Variants in LRP1B observed in about 807,000 individuals in gnomAD.
LRP1B encodes LDL receptor related protein 1B.
In LRP1B, 217 loss-of-function variants were observed where a neutral mutation model predicts 556.6. The observed-to-expected ratio is 0.39, with a 90% CI of 0.35 to 0.44. The LOEUF is 0.44. Ranked by LOEUF, LRP1B falls within the 20% of genes least tolerant of loss-of-function variation. The pLI, the probability that LRP1B is intolerant of heterozygous loss-of-function variation, is 1.00. For synonymous variants in LRP1B, 2,047 were observed against 1,865.8 expected (o/e 1.10, Z -2.50); for missense variants, 5,053 against 5,620.8 (o/e 0.90, Z 3.23).
intron 1 of LRP1B, among the ~76,000 whole-genome samples, chr2:141,958,251 A>T (rs1400467639): frequency 2.0e-5 from 3 of 152,062 alleles, no homozygotes; most frequent in African/African-American, 7.2e-5. Flanking sequence ...GTCCTGGTGC[A>T]TTAGAAGAGG....
At chr2:142,063,098 A>G (rs1165389133) in intron 1 of LRP1B, among the ~76,000 whole-genome samples, 1 of 150,604 alleles carries the variant, frequency 6.6e-6, no homozygotes, top group Non-Finnish European at 1.5e-5. Flanking sequence ...TAACAGTACC[A>G]GATATTCCTC....
At chr2:140,705,401 G>A (rs1686793770) in intron 37 of LRP1B, among the ~76,000 whole-genome samples, 1 of 151,544 alleles carries the variant, frequency 6.6e-6, no homozygotes, top group Non-Finnish European at 1.5e-5. Flanking sequence ...GCATGTGCCT[G>A]TAGTCCCAGC....
intron 2 of LRP1B, among the ~76,000 whole-genome samples, chr2:141,675,651 T>C (rs887907669): frequency 6.9e-6 from 1 of 145,346 alleles, no homozygotes; most frequent in African/African-American, 2.5e-5. Flanking sequence ...ATTCAAATCC[T>C]AGCTTCTAAT....
chr2:140,580,098 ATT>A (rs1681701990), intron 43 of LRP1B, among the ~76,000 whole-genome samples: 1 of 152,124 alleles, frequency 6.6e-6, no homozygotes, highest in South Asian at 2.1e-4. Flanking sequence ...TAATGGTCTC[ATT>A]GTTACTGTGG....
chr2:141,127,935 AC>A (rs1396990633), intron 7 of LRP1B, among the ~76,000 whole-genome samples: 1 of 152,212 alleles, frequency 6.6e-6, no homozygotes, highest in African/African-American at 2.4e-5. Flanking sequence ...ACTGTGAGCT[AC>A]CAGATACAAT....
chr2:140,784,411 C>CAT (rs1553533154), intron 32 of LRP1B, among the ~76,000 whole-genome samples: 1 of 149,986 alleles, frequency 6.7e-6, no homozygotes, highest in Non-Finnish European at 1.5e-5. Context: ...CACACACACA[C>CAT]ACACACACAC....
intron 1 of LRP1B, among the ~76,000 whole-genome samples, chr2:142,059,023 C>A (rs2104888005): frequency 6.6e-6 from 1 of 152,190 alleles, no homozygotes; most frequent in Admixed American, 6.6e-5. Context: ...GAATTACCAG[C>A]TATTTATTCT....
chr2:140,437,074 C>T (rs913709238), intron 66 of LRP1B, among the ~76,000 whole-genome samples: 5 of 152,040 alleles, frequency 3.3e-5, no homozygotes, highest in Admixed American at 6.6e-5. Context: ...ATATCAACAG[C>T]AACGTAAGAT....
chr2:141,883,656 C>T (rs1273363751), intron 1 of LRP1B, among the ~76,000 whole-genome samples: 1 of 151,998 alleles, frequency 6.6e-6, no homozygotes, highest in Non-Finnish European at 1.5e-5. Flanking sequence ...CCTAGGAGAT[C>T]AAGACTGCAG....
In LRP1B at chr2:140,903,114, G is replaced by T. The variant is rs779490142; in HGVS notation, c.3572C>A (p.Pro1191His). 1.2e-6 allele frequency: 2 copies of T among 1,613,428 alleles called. No individual in the cohort carries two copies. The highest frequency in any genetic ancestry group is 2.2e-5 in the South Asian group (2 of 91,060). The part of the protein sequence containing the change: ...GGCSNHCSVV[P>H]GRGIVCSCPE... The stretch of plus-strand genomic sequence containing the variant: ...GCAGGAACAGACAATTCCTCTTCCA[G>T]GAACAACAGAACAGTGGTTGCTACA... Residue 1191 changes from proline to histidine, a missense_variant, in exon 23 of 91, where the codon CCT (proline) becomes CAT (histidine). Pro to His is a moderately conservative substitution (Grantham distance 77). Transcript: ENST00000389484.
intron 2 of LRP1B, among the ~76,000 whole-genome samples, chr2:141,495,381 G>A (rs1683475774): frequency 6.6e-6 from 1 of 151,998 alleles, no homozygotes; most frequent in Admixed American, 6.6e-5. Flanking sequence ...ATGGTCAACG[G>A]GATCTGAAAC....
intron 1 of LRP1B, among the ~76,000 whole-genome samples, chr2:141,932,475 C>T (rs749838582): frequency 4.6e-5 from 7 of 151,972 alleles, no homozygotes; most frequent in Non-Finnish European, 8.8e-5. Flanking sequence ...CCATGTAAGC[C>T]CTCTATTTTA....
chr2:140,584,785 C>T (rs1681915974), intron 43 of LRP1B, among the ~76,000 whole-genome samples: 1 of 152,088 alleles, frequency 6.6e-6, no homozygotes, highest in African/African-American at 2.4e-5. Flanking sequence ...ACTATTAAGC[C>T]TACTGCAATA....
intron 1 of LRP1B, among the ~76,000 whole-genome samples, chr2:142,048,233 T>C (rs1704326145): frequency 6.6e-6 from 1 of 152,134 alleles, no homozygotes; most frequent in Non-Finnish European, 1.5e-5. Context: ...AATGGAATTA[T>C]AAATGTCCAT....
intron 2 of LRP1B, among the ~76,000 whole-genome samples, chr2:141,569,871 G>A (rs1182267037): frequency 6.0e-5 from 9 of 151,122 alleles, no homozygotes; most frequent in Admixed American, 1.3e-4. Flanking sequence ...GAAAAATTGA[G>A]AACACAGTTT....
At chr2:140,589,128 A>C (rs1188797094) in intron 43 of LRP1B, among the ~76,000 whole-genome samples, 1 of 152,216 alleles carries the variant, frequency 6.6e-6, no homozygotes. Flanking sequence ...TTTGGAATCT[A>C]AGGCTAGGCA....
At chr2:141,078,670 C>T (rs1213440862) in intron 7 of LRP1B, among the ~76,000 whole-genome samples, 1 of 152,136 alleles carries the variant, frequency 6.6e-6, no homozygotes, top group African/African-American at 2.4e-5. Flanking sequence ...GAAGTGTTCT[C>T]CTTCTCCTTG....
intron 83 of LRP1B, among the ~76,000 whole-genome samples, chr2:140,309,678 A>G (rs970878322): frequency 6.6e-6 from 1 of 151,824 alleles, no homozygotes; most frequent in Non-Finnish European, 1.5e-5. Flanking sequence ...ATAGTTTCTA[A>G]TATAATTATT....
At chr2:141,707,714 G>A (rs1692195778) in intron 2 of LRP1B, among the ~76,000 whole-genome samples, 1 of 152,156 alleles carries the variant, frequency 6.6e-6, no homozygotes, top group South Asian at 2.1e-4. Context: ...AACTGACTGT[G>A]CAGTCTAGTT....
Sources: gnomAD v4.1 joint callset for allele counts (sites outside exome capture counted in the v4.1 genomes callset) on GRCh38, gnomAD v4.1.1 for gene constraint, MANE v1.5 for transcripts, NCBI Gene and HGNC (gene_info 2026-07-23, HGNC 2026-07-21) for gene names.